SIDT1: variants seen among roughly 807,000 people sequenced by gnomAD.
SIDT1 encodes the protein SID1 transmembrane family member 1.
A neutral mutation model predicts 107.5 loss-of-function variants in SIDT1; 101 were observed. That is an observed-to-expected ratio of 0.94 (90% CI 0.80 to 1.11). The LOEUF (loss-of-function observed/expected upper bound fraction) is 1.11, where lower values mean the gene tolerates loss of function less well. Ranked by LOEUF, SIDT1 falls within the 50% of genes least tolerant of loss-of-function variation. SIDT1 has a pLI of 0.00. For synonymous variants in SIDT1, 395 were observed against 398.2 expected (o/e 0.99, Z 0.10); for missense variants, 1,076 against 1,058.2 (o/e 1.02, Z -0.23).
intron 4 of SIDT1, among the ~76,000 whole-genome samples, chr3:113,577,625 A>G (rs949789360): frequency 1.3e-5 from 2 of 152,170 alleles, no homozygotes; most frequent in African/African-American, 2.4e-5. Context: ...ATTTCTAGCT[A>G]CCTTCCTTTT....
chr3:113,536,537 A>C (rs1244894681), intron 1 of SIDT1, among the ~76,000 whole-genome samples: 1 of 152,206 alleles, frequency 6.6e-6, no homozygotes, highest in Non-Finnish European at 1.5e-5. Flanking sequence ...TTGGAGGAGA[A>C]AGTCTATTCT....
At chr3:113,614,984 C>A in intron 19 of SIDT1, 3 of 1,427,742 alleles carry the variant, frequency 2.1e-6, no homozygotes, top group Non-Finnish European at 2.9e-6. Context: ...ATAAAATGAC[C>A]AGTAGTTTAC....
chr3:113,614,477 C>T (rs1417675999), intron 19 of SIDT1, among the ~76,000 whole-genome samples: 2 of 152,178 alleles, frequency 1.3e-5, no homozygotes, highest in Non-Finnish European at 1.5e-5. Context: ...CTTTCTATTT[C>T]GTCGTTGACA....
intron 20 of SIDT1, among the ~76,000 whole-genome samples, chr3:113,618,085 C>T (rs774524763): frequency 1.3e-5 from 2 of 151,620 alleles, no homozygotes; most frequent in African/African-American, 2.4e-5. Flanking sequence ...GCCTATTCAT[C>T]CCTCCCTCCC....
chr3:113,566,562 G>A (rs759522846), intron 2 of SIDT1, 21 bp downstream of exon 2: 1 of 1,609,274 alleles, frequency 6.2e-7, no homozygotes, highest in Non-Finnish European at 8.5e-7. Context: ...TTTCTTCCAG[G>A]CAACTTCACT....
intron 2 of SIDT1, among the ~76,000 whole-genome samples, 188 bp downstream of exon 2, chr3:113,566,729 G>A (rs1272165790): frequency 6.6e-6 from 1 of 152,138 alleles, no homozygotes; most frequent in Non-Finnish European, 1.5e-5. Context: ...ATTATTAGAT[G>A]AGCACTCTAC....
intron 1 of SIDT1, among the ~76,000 whole-genome samples, chr3:113,554,216 A>C (rs1940589644): frequency 6.6e-6 from 1 of 152,242 alleles, no homozygotes; most frequent in Admixed American, 6.5e-5. Context: ...AGTATTTCCC[A>C]AAGTATGTTC....
intron 10 of SIDT1, chr3:113,595,092 C>A (rs570529719): frequency 1.3e-5 from 2 of 153,778 alleles, no homozygotes; most frequent in South Asian, 2.0e-4. Flanking sequence ...ATCAGATAAA[C>A]CTACTTTCAG....
At chr3:113,626,282 G>T (rs1946845122) in intron 24 of SIDT1, 67 bp downstream of exon 24, 18 of 1,075,124 alleles carry the variant, frequency 1.7e-5, no homozygotes, top group Middle Eastern at 2.2e-4. Context: ...TTTTTCTTCT[G>T]CTCTTCCTTA....
In SIDT1 at chr3:113,628,164, CT is replaced by C. The variant is rs576450753; in HGVS notation, c.*457del. On this transcript the variant is annotated 3_prime_UTR_variant, in exon 25 of 25. Transcript: ENST00000264852. ...CCCCTTCACACCTCTGCAACACCTG[CT>C]GCTCCAGCAAGAGGATGTGATTCTT... The C allele has an allele frequency of 1.0e-3, 165 of 158,510 alleles. 2 individuals are homozygous for C. The highest frequency in any genetic ancestry group is 3.0e-3 in the South Asian group (16 of 5,276). The allele number at this position is 158,510 out of a possible 1,614,324, so 9.8% of individuals were successfully genotyped here.
intron 4 of SIDT1, among the ~76,000 whole-genome samples, chr3:113,578,286 A>G (rs1347324774): frequency 1.3e-5 from 2 of 151,762 alleles, no homozygotes; most frequent in East Asian, 3.9e-4. Context: ...TAACACGGTG[A>G]AACGTCGTCT....
chr3:113,614,538 G>C (rs1945972799), intron 19 of SIDT1, among the ~76,000 whole-genome samples: 1 of 152,224 alleles, frequency 6.6e-6, no homozygotes, highest in African/African-American at 2.4e-5. Flanking sequence ...TTCATGGACA[G>C]TGTTCAGCTG....
intron 20 of SIDT1, among the ~76,000 whole-genome samples, chr3:113,619,072 G>A (rs1016218802): frequency 1.3e-5 from 2 of 152,094 alleles, no homozygotes; most frequent in East Asian, 1.9e-4. Flanking sequence ...TAATCTGCCC[G>A]CCTTAGCCTC....
rs1944965202 is a variant in SIDT1 at position 113,601,609 on chromosome 3, C to T, written c.1067C>T (p.Ser356Phe). The change falls in exon 11 of 25, where the codon TCT becomes TTT. Residue 356 changes from serine (S) to phenylalanine (F), a missense_variant. Transcript: ENST00000264852. Reference sequence around the variant, plus strand: ...ACAGGCTCTGGAAATATGGTGGCATCTCATCCCATTGCTGCCAGCACACCC... The same window carrying T: ...ACAGGCTCTGGAAATATGGTGGCATTTCATCCCATTGCTGCCAGCACACCC... Reference protein sequence around the residue: ...SNDGSGNMVASHPIAASTPEG... With the variant: ...SNDGSGNMVAFHPIAASTPEG... The T allele has an allele frequency of 6.2e-7, 1 of 1,613,914 alleles. No homozygotes were observed. The highest frequency in any genetic ancestry group is 8.5e-7 in the Non-Finnish European group (1 of 1,179,806).
At chr3:113,580,883 C>G (rs901256884) in intron 5 of SIDT1, among the ~76,000 whole-genome samples, 174 bp downstream of exon 5, 3 of 152,098 alleles carry the variant, frequency 2.0e-5, no homozygotes, top group Non-Finnish European at 4.4e-5. Context: ...TTTGCAGACA[C>G]TAATTTGGAG....
chr3:113,533,418 C>T (rs1412841658), intron 1 of SIDT1, among the ~76,000 whole-genome samples, 175 bp downstream of exon 1: 3 of 152,192 alleles, frequency 2.0e-5, no homozygotes, highest in Non-Finnish European at 2.9e-5. Flanking sequence ...CAACACGCCT[C>T]GGGGACAACT....
chr3:113,533,968 C>G (rs1000849954), intron 1 of SIDT1, among the ~76,000 whole-genome samples: 9 of 152,102 alleles, frequency 5.9e-5, no homozygotes, highest in Non-Finnish European at 8.8e-5. Context: ...AGTGACTATC[C>G]CTTTGACATA....
chr3:113,576,870 T>A, intron 3 of SIDT1, 52 bp from the exon 4 acceptor site: 1 of 1,577,260 alleles, frequency 6.3e-7, no homozygotes, highest in Non-Finnish European at 8.7e-7. Flanking sequence ...CTCACTAACT[T>A]ATGCTTTTCT....
Position 113,557,838 on chromosome 3 carries a change from T to C in SIDT1, c.223-8582T>C, listed in dbSNP as rs188063848. 5.8e-4 allele frequency among the ~76,000 whole-genome samples: 89 copies of C among 152,338 alleles called. No individual in the cohort carries two copies. The East Asian group carries it at 0.017, about 29-fold the overall frequency. ...TCAAGCCTTGCACATTACTGTTCAA[T>C]GTAATACCAACTTCACCTGGGTCCC... On this transcript the variant is annotated intron_variant, in intron 1 of 24. Coordinates refer to ENST00000264852, the MANE Select transcript of SIDT1 (RefSeq NM_017699.3).
Sources: allele counts gnomAD v4.1 joint callset (sites outside exome capture counted in the v4.1 genomes callset), GRCh38; gene constraint gnomAD v4.1.1; transcripts MANE v1.5; gene names NCBI Gene and HGNC (gene_info 2026-07-23, HGNC 2026-07-21).